Variants in DUS2 observed in about 807,000 individuals in gnomAD.
DUS2 encodes the protein tRNA-dihydrouridine(20) synthase [NAD(P)+]-like.
In DUS2, 52 loss-of-function variants were observed where a neutral mutation model predicts 71.3. The observed-to-expected ratio is 0.73, with a 90% confidence interval of 0.58 to 0.92. DUS2 has a LOEUF of 0.92. Ranked by LOEUF, DUS2 falls within the 40% of genes least tolerant of loss-of-function variation. The pLI, the probability that DUS2 is intolerant of heterozygous loss-of-function variation, is 0.00. For synonymous variants in DUS2, 204 were observed against 227.8 expected (o/e 0.90, Z 0.94); for missense variants, 558 against 622.6 (o/e 0.90, Z 1.10).
chr16:68,058,885 T>C (rs1464262034), intron 7 of DUS2, among the ~76,000 whole-genome samples: 2 of 152,194 alleles, frequency 1.3e-5, no homozygotes, highest in African/African-American at 4.8e-5. Context: ...ATCTGCTGTG[T>C]TCTCATGGTT....
At chr16:68,032,569 G>A (rs1243415809) in intron 2 of DUS2, among the ~76,000 whole-genome samples, 1 of 152,184 alleles carries the variant, frequency 6.6e-6, no homozygotes, top group Admixed American at 6.5e-5. Flanking sequence ...AAGGACAAGG[G>A]GACCTTAGCA....
At chr16:68,056,263 A>G in intron 6 of DUS2, 101 bp from the exon 7 acceptor site, 2 of 967,652 alleles carry the variant, frequency 2.1e-6, no homozygotes, top group Non-Finnish European at 1.6e-6. Flanking sequence ...AGTCAGGGAC[A>G]GGGTAAGAGG....
chr16:68,038,450 C>G (rs985262679), intron 3 of DUS2, among the ~76,000 whole-genome samples: 1 of 152,090 alleles, frequency 6.6e-6, no homozygotes, highest in Non-Finnish European at 1.5e-5. Context: ...ATAAAAGAGG[C>G]CTGGCACAGT....
intron 15 of DUS2, chr16:68,078,213 G>A (rs1422154121): frequency 1.8e-6 from 1 of 565,216 alleles, no homozygotes; most frequent in East Asian, 3.0e-5. Flanking sequence ...TGCAGCTAAG[G>A]GCTCTGCTGC....
At chr16:68,078,116 G>C in intron 15 of DUS2, 1 of 360,244 alleles carries the variant, frequency 2.8e-6, no homozygotes, top group East Asian at 6.1e-5. Context: ...CTCCTAGCTT[G>C]TCCCTTCTCA....
rs147371705 is a variant in DUS2, at chr16:68,070,901, C to T, written c.642-39C>T. Reference sequence around the variant, plus strand: ...TTTTTCTGAAAATGCTGATAGGTTCCGTGATGGGGACACCCCTAACCCTCT... The same window carrying T: ...TTTTTCTGAAAATGCTGATAGGTTCTGTGATGGGGACACCCCTAACCCTCT... On this transcript the variant is annotated intron_variant, in intron 11 of 16. Coordinates refer to ENST00000565263, the MANE Select transcript of DUS2 (RefSeq NM_017803.5). 2,269 of 1,601,152 alleles carry T rather than the reference C, an allele frequency of 1.4e-3. 2 individuals are homozygous for T. The highest frequency in any genetic ancestry group is 1.9e-3 in the Non-Finnish European group (2,167 of 1,169,566).
At chr16:68,071,938 A>G (rs2034092769) in intron 12 of DUS2, among the ~76,000 whole-genome samples, 2 of 152,208 alleles carry the variant, frequency 1.3e-5, no homozygotes, top group Admixed American at 1.3e-4. Context: ...GAAAATGAAG[A>G]GTTCACTTGC....
At chr16:68,040,907 C>T (rs1211422461) in intron 3 of DUS2, among the ~76,000 whole-genome samples, 1 of 152,120 alleles carries the variant, frequency 6.6e-6, no homozygotes, top group East Asian at 1.9e-4. Flanking sequence ...GGACCTCGTG[C>T]ATATCAAGCA....
At chr16:68,034,109 A>G (rs1443838933) in intron 2 of DUS2, among the ~76,000 whole-genome samples, 1 of 152,016 alleles carries the variant, frequency 6.6e-6, no homozygotes, top group Non-Finnish European at 1.5e-5. Context: ...ACTGTCACCC[A>G]GGCTGGAGTG....
chr16:68,054,502 G>T (rs1484124062), intron 5 of DUS2, 72 bp from the exon 6 acceptor site: 8 of 1,525,472 alleles, frequency 5.2e-6, no homozygotes, highest in Non-Finnish European at 6.4e-6. Context: ...TGTGTGTGCT[G>T]CATGGGTGTG....
chr16:68,059,901 C>T (rs2033916018), intron 7 of DUS2, among the ~76,000 whole-genome samples: 1 of 152,106 alleles, frequency 6.6e-6, no homozygotes, highest in South Asian at 2.1e-4. Context: ...CAGTAACTCA[C>T]AATAAAAAGC....
At chr16:68,028,466 C>T (rs921222038) in intron 2 of DUS2, among the ~76,000 whole-genome samples, 12 of 151,716 alleles carry the variant, frequency 7.9e-5, no homozygotes, top group Non-Finnish European at 1.6e-4. Context: ...AAACCCCATC[C>T]CTACTAAAAA....
Position 68,046,538 on chromosome 16 carries a change from C to T in DUS2, c.127-2967C>T, listed in dbSNP as rs188133643. Among the ~76,000 whole-genome samples, 20 of 152,192 alleles carry T rather than the reference C, an allele frequency of 1.3e-4. No homozygotes were observed. In the East Asian group the frequency reaches 3.1e-3, roughly 24 times the overall value. ...GGATACAGGCCTGTGCCACCACGCTCGGCTAATTTTTGTTGGCATAAGCCA... is the reference window on the plus strand; with the variant it reads ...GGATACAGGCCTGTGCCACCACGCTTGGCTAATTTTTGTTGGCATAAGCCA... On this transcript the variant is annotated intron_variant, in intron 3 of 16. Coordinates refer to ENST00000565263, the MANE Select transcript of DUS2 (RefSeq NM_017803.5).
intron 10 of DUS2, 120 bp downstream of exon 10, chr16:68,066,756 T>G: frequency 1.0e-6 from 1 of 958,814 alleles, no homozygotes; most frequent in Non-Finnish European, 1.6e-6. Context: ...TCAGCCTACC[T>G]CTGCCTAGCT....
chr16:68,049,419 G>T, intron 3 of DUS2, 86 bp from the exon 4 acceptor site: 5 of 1,428,948 alleles, frequency 3.5e-6, no homozygotes, highest in South Asian at 1.1e-5. Context: ...CTGGCCAAGC[G>T]ATCCTCATTA....
intron 3 of DUS2, among the ~76,000 whole-genome samples, chr16:68,047,049 CTTTTTTTTTTTTT>C (rs1305624703): frequency 1.9e-4 from 14 of 72,168 alleles, no homozygotes; most frequent in Admixed American, 3.7e-4. Flanking sequence ...CATGCCCGGC[CTTTTTTTTTTTTT>C]TTTTTTTTTT....
rs751538505 is a variant in DUS2 at position 68,056,372 on chromosome 16, A to G, written c.317A>G (p.Asp106Gly). Residue 106 changes from aspartate (D) to glycine (G), a missense_variant, in exon 7 of 17, where the codon GAT becomes GGT. Asp to Gly is a moderately conservative substitution (Grantham distance 94, BLOSUM62 -1). Coordinates refer to ENST00000565263, the MANE Select transcript of DUS2 (RefSeq NM_017803.5). ...ALAVARLVEN[D>G]VAGIDVNMGC... Reference sequence around the variant, plus strand: ...CCTTCATCCTTTTCCAGAGAAAATGATGTGGCTGGTATTGATGTCAACATG... The same window carrying G: ...CCTTCATCCTTTTCCAGAGAAAATGGTGTGGCTGGTATTGATGTCAACATG... The G allele has an allele frequency of 6.2e-7, 1 of 1,613,630 alleles. No homozygotes were observed. The highest frequency in any genetic ancestry group is 8.5e-7 in the Non-Finnish European group (1 of 1,179,792).
intron 2 of DUS2, among the ~76,000 whole-genome samples, chr16:68,026,388 A>G (rs2033350790): frequency 6.6e-6 from 1 of 152,222 alleles, no homozygotes; most frequent in Non-Finnish European, 1.5e-5. Flanking sequence ...CATTACAGCA[A>G]TAAAAAGTGC....
rs1298050064 is a variant in DUS2, at chr16:68,023,330, T to C, written c.-120T>C. On this transcript the variant is annotated 5_prime_UTR_variant, in exon 1 of 17. Coordinates refer to ENST00000565263, the MANE Select transcript of DUS2 (RefSeq NM_017803.5). Reference sequence around the variant, plus strand: ...GCACCGTGAGGAAGAAGCGAGGTTCTTTTTAAGAGTTCAGCTGCGAGGTCT... The same window carrying C: ...GCACCGTGAGGAAGAAGCGAGGTTCCTTTTAAGAGTTCAGCTGCGAGGTCT... 5 of 1,154,650 alleles carry C rather than the reference T, an allele frequency of 4.3e-6. No homozygotes were observed. The highest frequency in any genetic ancestry group is 3.2e-5 in the African/African-American group (2 of 63,120). The allele number at this position is 1,154,650 out of a possible 1,614,324, so 71.5% of individuals were successfully genotyped here.
Sources: gnomAD v4.1 joint callset for allele counts (sites outside exome capture counted in the v4.1 genomes callset) on GRCh38, gnomAD v4.1.1 for gene constraint, MANE v1.5 for transcripts, NCBI Gene and HGNC (gene_info 2026-07-23, HGNC 2026-07-21) for gene names.